Variants in NUP93 observed in about 807,000 individuals in gnomAD.
The protein encoded by NUP93 is nucleoporin 93.
In NUP93, 55 loss-of-function variants were observed where a neutral mutation model predicts 107.8. That is an observed-to-expected ratio of 0.51 (90% CI 0.41 to 0.64). The LOEUF is 0.64. NUP93 is among the 30% of genes least tolerant of loss of function. The probability of loss-of-function intolerance (pLI) is 0.00; values close to 1 mark genes in which losing one functional copy is unlikely to be tolerated. For synonymous variants in NUP93, 390 were observed against 397.5 expected (o/e 0.98, Z 0.22); for missense variants, 937 against 1,044.7 (o/e 0.90, Z 1.42).
intron 2 of NUP93, 43 bp downstream of exon 2, chr16:56,748,469 C>T (rs749648727): frequency 2.3e-5 from 35 of 1,493,430 alleles, no homozygotes; most frequent in Middle Eastern, 2.1e-4. Flanking sequence ...GGGTGGCTTG[C>T]GGGCAGGATC....
chr16:56,786,015 T>G (rs1182386017), intron 3 of NUP93, among the ~76,000 whole-genome samples: 1 of 152,180 alleles, frequency 6.6e-6, no homozygotes, highest in Admixed American at 6.5e-5. Context: ...TTCTTTATGG[T>G]GAGGTGAAGT....
chr16:56,800,050 G>A (rs993810572), intron 4 of NUP93, among the ~76,000 whole-genome samples: 1 of 152,120 alleles, frequency 6.6e-6, no homozygotes, highest in Non-Finnish European at 1.5e-5. Context: ...AGGTGTGGTG[G>A]CGCACACCTA....
chr16:56,746,215 T>A (rs1490013288), intron 1 of NUP93, among the ~76,000 whole-genome samples: 1 of 152,188 alleles, frequency 6.6e-6, no homozygotes, highest in Non-Finnish European at 1.5e-5. Flanking sequence ...TTTCCCTTTC[T>A]GGTGAATGAC....
chr16:56,733,501 C>T (rs1359225157), intron 1 of NUP93, among the ~76,000 whole-genome samples: 2 of 152,082 alleles, frequency 1.3e-5, no homozygotes, highest in Admixed American at 6.6e-5. Flanking sequence ...TCCTGGCTTA[C>T]CTGACTGTGT....
At chr16:56,760,111 C>T (rs1962096437) in intron 3 of NUP93, among the ~76,000 whole-genome samples, 1 of 152,170 alleles carries the variant, frequency 6.6e-6, no homozygotes, top group Non-Finnish European at 1.5e-5. Flanking sequence ...AGATGGTTTT[C>T]TAACAATATA....
Position 56,803,831 on chromosome 16 carries a change from A to G in NUP93, c.361-1673A>G, listed in dbSNP as rs138499181. Among the ~76,000 whole-genome samples, 253 of 152,122 alleles carry G rather than the reference A, an allele frequency of 1.7e-3. 9 individuals carry two copies. In the East Asian group the frequency reaches 0.045, roughly 27 times the overall value. ...GTTGCCCAGGCTGGAGTGCAGTGGT[A>G]CAGTCACAGCTCACTGCAACCTCTA... On this transcript the variant is annotated intron_variant, in intron 4 of 21. Coordinates refer to ENST00000308159, the MANE Select transcript of NUP93 (RefSeq NM_014669.5).
chr16:56,762,540 C>G (rs543996452), intron 3 of NUP93, among the ~76,000 whole-genome samples: 39 of 152,166 alleles, frequency 2.6e-4, no homozygotes, highest in Non-Finnish European at 5.3e-4. Context: ...ATCAAAGTAT[C>G]ACATGTACAA....
chr16:56,759,693 T>G (rs1962088720), intron 3 of NUP93, among the ~76,000 whole-genome samples: 1 of 152,172 alleles, frequency 6.6e-6, no homozygotes, highest in African/African-American at 2.4e-5. Context: ...TTTAAACTTT[T>G]TTTTTTAAGT....
chr16:56,739,568 C>CG (rs1961675337), intron 1 of NUP93, among the ~76,000 whole-genome samples: 3 of 93,002 alleles, frequency 3.2e-5, no homozygotes, highest in East Asian at 4.6e-4. Context: ...GCTGGCCGGG[C>CG]GGGGGGCTGA....
chr16:56,836,266 A>G (rs1312856027), intron 16 of NUP93, among the ~76,000 whole-genome samples: 1 of 152,078 alleles, frequency 6.6e-6, no homozygotes, highest in African/African-American at 2.4e-5. Context: ...TTTTCTCTCT[A>G]GTTCCTACTT....
In NUP93 at chr16:56,848,861, T is replaced by G. The variant is rs1964145074; in HGVS notation, c.*4252T>G. The stretch of plus-strand genomic sequence containing the variant: ...ACTGATTTGTTCCCAGAGTTGTGCA[T>G]AATTCTTTAAAAGTAGGCTCGTTTT... On this transcript the variant is annotated 3_prime_UTR_variant, in exon 22 of 22. Coordinates refer to ENST00000308159, the MANE Select transcript of NUP93 (RefSeq NM_014669.5). 1 of 152,244 alleles carries G rather than the reference T, an allele frequency of 6.6e-6. No individual in the cohort carries two copies. Among genetic ancestry groups the G allele is most frequent in the Non-Finnish European group, 1.5e-5 (1 of 68,034 alleles). 9.4% of individuals were successfully genotyped at this position (152,244 alleles called of 1,614,324 possible).
chr16:56,825,179 C>T (rs1215329801), intron 8 of NUP93, among the ~76,000 whole-genome samples: 2 of 149,704 alleles, frequency 1.3e-5, no homozygotes, highest in Non-Finnish European at 3.0e-5. Context: ...ACCTCAGCCT[C>T]CTGAGGTGTG....
chr16:56,787,426 C>T (rs1405098358), intron 3 of NUP93, among the ~76,000 whole-genome samples: 7 of 152,202 alleles, frequency 4.6e-5, no homozygotes, highest in Non-Finnish European at 1.0e-4. Context: ...GCTCCTTGTG[C>T]TTGCTAAGTA....
At chr16:56,730,285 G>C (rs564445081) in intron 1 of NUP93, 74 bp downstream of exon 1, 1 of 152,380 alleles carries the variant, frequency 6.6e-6, no homozygotes, top group Non-Finnish European at 1.5e-5. Context: ...ACTGGGTGGA[G>C]CGCCGTCCCC....
intron 1 of NUP93, among the ~76,000 whole-genome samples, chr16:56,738,363 C>T (rs1182040024): frequency 6.6e-6 from 1 of 152,190 alleles, no homozygotes; most frequent in Non-Finnish European, 1.5e-5. Flanking sequence ...CTTCTCTTTG[C>T]TCATTGAAGA....
intron 1 of NUP93, among the ~76,000 whole-genome samples, chr16:56,744,917 C>G (rs577276587): frequency 6.6e-6 from 1 of 152,290 alleles, no homozygotes; most frequent in South Asian, 2.1e-4. Context: ...GTGCAGGAAG[C>G]CTTTGAGAAG....
intron 4 of NUP93, 157 bp from the exon 5 acceptor site, chr16:56,805,347 C>A: frequency 1.3e-6 from 1 of 755,564 alleles, no homozygotes; most frequent in Admixed American, 3.0e-5. Context: ...CACGCTCAGC[C>A]AGTAAATTCT....
intron 1 of NUP93, among the ~76,000 whole-genome samples, chr16:56,734,544 C>T (rs1215336344): frequency 6.6e-6 from 1 of 152,030 alleles, no homozygotes; most frequent in Non-Finnish European, 1.5e-5. Flanking sequence ...GAGGATCCTT[C>T]CCAGTGTGGT....
chr16:56,824,690 G>A (rs1306602718), intron 8 of NUP93, among the ~76,000 whole-genome samples: 3 of 152,208 alleles, frequency 2.0e-5, no homozygotes, highest in Non-Finnish European at 4.4e-5. Context: ...ACTTCATTAG[G>A]AAGTCAGAAG....
Sources: allele counts gnomAD v4.1 joint callset (sites outside exome capture counted in the v4.1 genomes callset), GRCh38; gene constraint gnomAD v4.1.1; transcripts MANE v1.5; gene names NCBI Gene and HGNC (gene_info 2026-07-23, HGNC 2026-07-21).